The following RRM1 variants were observed in gnomAD, a reference collection of about 807,000 sequenced individuals.
The protein encoded by RRM1 is ribonucleoside-diphosphate reductase large subunit.
Under a neutral mutation model 101.5 loss-of-function variants are expected in RRM1, and 19 were observed. That is an observed-to-expected ratio of 0.19 (90% CI 0.13 to 0.27). The LOEUF (loss-of-function observed/expected upper bound fraction) is 0.27, where lower values mean the gene tolerates loss of function less well. RRM1 is among the 10% of genes least tolerant of loss of function. The pLI, the probability that RRM1 is intolerant of heterozygous loss-of-function variation, is 1.00. For synonymous variants in RRM1, 298 were observed against 323.4 expected (o/e 0.92, Z 0.84); for missense variants, 500 against 962.9 (o/e 0.52, Z 6.36).
intron 7 of RRM1, among the ~76,000 whole-genome samples, chr11:4,114,287 G>T (rs2412346): frequency 2.6e-5 from 4 of 151,954 alleles, no homozygotes; most frequent in Non-Finnish European, 5.9e-5. Context: ...GGCGTGGTGG[G>T]TCATGCCTGT....
intron 2 of RRM1, among the ~76,000 whole-genome samples, chr11:4,105,404 T>A (rs531879607): frequency 6.6e-6 from 1 of 152,100 alleles, no homozygotes; most frequent in African/African-American, 2.4e-5. Flanking sequence ...CTAATTTTTT[T>A]ATTTTTAGTA....
At position 4,126,803 on chromosome 11, in the gene RRM1, T is replaced by A. The variant is rs1313159426; in HGVS notation, c.1440T>A (p.Ile480=). The A allele has an allele frequency of 6.2e-7, 1 of 1,613,144 alleles. No individual in the cohort carries two copies. The highest frequency in any genetic ancestry group is 1.1e-5 in the South Asian group (1 of 91,004). Residue 480 remains isoleucine (I), a synonymous_variant, in exon 13 of 19, where the codon ATT becomes ATA. Coordinates refer to ENST00000300738, the MANE Select transcript of RRM1 (RefSeq NM_001033.5). ...TKVVVRNLNK[I]IDINYYPVPE... Reference sequence around the variant, plus strand: ...TCGTTGTCCGAAACTTGAATAAAATTATTGATATAAACTACTATCCTGTAC... The same window carrying A: ...TCGTTGTCCGAAACTTGAATAAAATAATTGATATAAACTACTATCCTGTAC...
intron 3 of RRM1, 131 bp downstream of exon 3, chr11:4,106,354 T>G (rs921246873): frequency 1.3e-6 from 1 of 774,504 alleles, no homozygotes; most frequent in Admixed American, 2.4e-5. Context: ...ATCCCAGCAA[T>G]TTGGGAGGCC....
At chr11:4,129,273 T>C in intron 15 of RRM1, 123 bp downstream of exon 15, 1 of 556,790 alleles carries the variant, frequency 1.8e-6, no homozygotes, top group Non-Finnish European at 3.2e-6. Flanking sequence ...GGGGCTAAAA[T>C]GGCCTATCTC....
rs370037707 is a variant in RRM1 at position 4,111,551 on chromosome 11, G to A, written c.448-50G>A. On this transcript the variant is annotated intron_variant, in intron 5 of 18. Coordinates refer to ENST00000300738, the MANE Select transcript of RRM1 (RefSeq NM_001033.5). The stretch of plus-strand genomic sequence containing the variant: ...TTATTGTGGATGATATATCCACTGC[G>A]TCTTTAAAAACGGTGCTCTGAAAAT... 20 of 1,397,462 alleles carry A rather than the reference G, an allele frequency of 1.4e-5. No homozygotes were observed. In the African/African-American group the frequency reaches 2.0e-4, roughly 14 times the overall value. The allele number at this position is 1,397,462 out of a possible 1,614,324, so 86.6% of individuals were successfully genotyped here.
At chr11:4,103,746 C>T (rs1449463432) in intron 2 of RRM1, among the ~76,000 whole-genome samples, 2 of 151,826 alleles carry the variant, frequency 1.3e-5, no homozygotes, top group African/African-American at 2.4e-5. Flanking sequence ...CCTCAGCCTC[C>T]CTCAGCTGGG....
intron 6 of RRM1, 58 bp from the exon 7 acceptor site, chr11:4,111,842 T>C (rs747076924): frequency 2.7e-5 from 41 of 1,504,268 alleles, no homozygotes; most frequent in Non-Finnish European, 3.7e-5. Flanking sequence ...TTCAAATACG[T>C]ATCTCAACCT....
intron 4 of RRM1, among the ~76,000 whole-genome samples, chr11:4,108,191 A>G (rs2094560782): frequency 6.6e-6 from 1 of 152,216 alleles, no homozygotes; most frequent in Non-Finnish European, 1.5e-5. Flanking sequence ...CTGTTTCTTA[A>G]CTAGATGCCA....
At chr11:4,118,245 C>A in intron 7 of RRM1, 75 bp from the exon 8 acceptor site, 3 of 1,019,516 alleles carry the variant, frequency 2.9e-6, no homozygotes, top group Non-Finnish European at 4.1e-6. Context: ...GCCTTAGTGT[C>A]TTTGTGTTGA....
chr11:4,121,540 G>T, intron 9 of RRM1, 64 bp from the exon 10 acceptor site: 1 of 1,309,952 alleles, frequency 7.6e-7, no homozygotes, highest in South Asian at 1.6e-5. Context: ...AAGTGCTTTG[G>T]GAGACATGAT....
chr11:4,134,341 A>T (rs2094605563), intron 17 of RRM1, among the ~76,000 whole-genome samples: 1 of 152,236 alleles, frequency 6.6e-6, no homozygotes, highest in Admixed American at 6.5e-5. Flanking sequence ...GGGATCATAG[A>T]TAGAAAGACT....
intron 2 of RRM1, among the ~76,000 whole-genome samples, chr11:4,103,055 C>A (rs752894434): frequency 2.0e-5 from 3 of 152,178 alleles, no homozygotes; most frequent in African/African-American, 4.8e-5. Context: ...GGTATCTTAT[C>A]CGCACTGCTA....
chr11:4,121,870 C>G (rs989778836), intron 10 of RRM1, 105 bp downstream of exon 10: 68 of 1,035,364 alleles, frequency 6.6e-5, no homozygotes, highest in Non-Finnish European at 9.0e-5. Context: ...GTGTGTGATG[C>G]CACAGAAGGC....
chr11:4,106,009 G>A (rs2094557850), intron 2 of RRM1, 37 bp from the exon 3 acceptor site: 16 of 1,570,556 alleles, frequency 1.0e-5, no homozygotes, highest in Non-Finnish European at 1.3e-5. Context: ...ATTGTTTCTT[G>A]GGAAAGCTCA....
At position 4,121,651 on chromosome 11, in the gene RRM1, C is replaced by T. The variant is rs2133308703; in HGVS notation, c.924C>T (p.Ile308=). 1 of 1,613,918 alleles carries T rather than the reference C, an allele frequency of 6.2e-7. No individual in the cohort carries two copies. The change falls in exon 10 of 19, where the codon ATC becomes ATT. Residue 308 remains isoleucine (I), a synonymous_variant. Transcript: ENST00000300738. The part of the protein sequence containing the change: ...AIYLEPWHLD[I]FEFLDLKKNT... Reference sequence around the variant, plus strand: ...ACCTGGAGCCTTGGCATTTAGACATCTTTGAATTCCTTGATTTAAAGAAGA... The same window carrying T: ...ACCTGGAGCCTTGGCATTTAGACATTTTTGAATTCCTTGATTTAAAGAAGA...
chr11:4,098,803 A>T, intron 1 of RRM1, among the ~76,000 whole-genome samples: 1 of 152,218 alleles, frequency 6.6e-6, no homozygotes, highest in Non-Finnish European at 1.5e-5. Flanking sequence ...TAAGAAGTAA[A>T]CATAATAATC....
intron 1 of RRM1, among the ~76,000 whole-genome samples, chr11:4,100,052 C>T (rs1274861196): frequency 3.3e-5 from 5 of 152,154 alleles, no homozygotes; most frequent in South Asian, 2.1e-4. Flanking sequence ...CAGTGCCAGC[C>T]AGTTAATTTA....
intron 6 of RRM1, 55 bp from the exon 7 acceptor site, chr11:4,111,845 C>T: frequency 1.3e-6 from 2 of 1,529,430 alleles, no homozygotes; most frequent in Non-Finnish European, 1.8e-6. Flanking sequence ...AAATACGTAT[C>T]TCAACCTACT....
chr11:4,138,251 G>C lies in RRM1; in HGVS notation c.2247G>C (p.Gln749His). The C allele has an allele frequency of 6.2e-7, 1 of 1,606,248 alleles. No homozygotes were observed. Among genetic ancestry groups the C allele is most frequent in the Non-Finnish European group, 8.5e-7 (1 of 1,173,040 alleles). ...CAAGACCAGCGGCTAATCCAATCCA[G>C]TTCACTCTAAATAAGGAGAAGCTAA... ...LRTRPAANPI[Q>H]FTLNKEKLKD... is the part of the protein sequence containing the mutation. Residue 749 changes from glutamine to histidine, a missense_variant, in exon 19 of 19, where the codon CAG (glutamine) becomes CAC (histidine). This residue lies in a region of RRM1 where 79 missense variants were observed against 176.4 expected (regional missense o/e 0.45). Transcript: ENST00000300738.
Sources: allele counts gnomAD v4.1 joint callset (sites outside exome capture counted in the v4.1 genomes callset), GRCh38; gene constraint gnomAD v4.1.1; regional missense constraint gnomAD v4.1.1; transcripts MANE v1.5; gene names NCBI Gene and HGNC (gene_info 2026-07-23, HGNC 2026-07-21).